Variants in MTOR observed in about 807,000 individuals in gnomAD.
MTOR encodes the protein serine/threonine-protein kinase mTOR.
MTOR carries 70 observed loss-of-function variants against 319.8 expected under a neutral mutation model. The observed-to-expected ratio is 0.22, with a 90% confidence interval of 0.18 to 0.27. The LOEUF is 0.27. Ranked by LOEUF, MTOR falls within the 10% of genes least tolerant of loss-of-function variation. The probability of loss-of-function intolerance (pLI) is 1.00; values close to 1 mark genes in which losing one functional copy is unlikely to be tolerated. For missense variants in MTOR, 1,890 were observed against 3,274.4 expected, an observed-to-expected ratio of 0.58 and a Z score of 10.32; for synonymous variants, 1,183 against 1,211.4, an observed-to-expected ratio of 0.98 and a Z score of 0.49.
intron 8 of MTOR, among the ~76,000 whole-genome samples, chr1:11,244,564 G>A (rs903938826): frequency 3.3e-5 from 5 of 152,106 alleles, no homozygotes; most frequent in Admixed American, 3.3e-4. Flanking sequence ...CCGGGAGGCA[G>A]AGGTTGCAGT....
Position 11,199,625 on chromosome 1 carries a change from G to T in MTOR, c.4023C>A (p.Ile1341=), listed in dbSNP as rs771356229. 6.2e-7 allele frequency: 1 copy of T among 1,614,162 alleles called. No individual in the cohort carries two copies. Among genetic ancestry groups the T allele is most frequent in the African/African-American group, 1.3e-5 (1 of 75,044 alleles). ...EDQQDELIRS[I]ELALTSQDIA... ...TGTCTTGTGAGGTGAGGGCCAACTC[G>T]ATGCTTCTGATGAGCTCATCCTGTT... The change falls in exon 27 of 58, where the codon ATC becomes ATA. Residue 1341 remains isoleucine, a synonymous_variant. Transcript: ENST00000361445. This position sits in a 1 kb window ranked among gnomAD's most constrained non-coding sequence, Gnocchi z 4.5.
At chr1:11,202,733 G>C (rs1646017858) in intron 26 of MTOR, among the ~76,000 whole-genome samples, 1 of 151,962 alleles carries the variant, frequency 6.6e-6, no homozygotes, top group African/African-American at 2.4e-5. Context: ...GGGCAACATA[G>C]TGAGACCTCG....
chr1:11,120,650 C>A (rs1642476059), intron 49 of MTOR, among the ~76,000 whole-genome samples: 1 of 151,996 alleles, frequency 6.6e-6, no homozygotes, highest in Non-Finnish European at 1.5e-5. Flanking sequence ...CTGCACCCAG[C>A]CAAAAACAAC....
At chr1:11,137,746 T>C (rs1329288031) in intron 36 of MTOR, among the ~76,000 whole-genome samples, 1 of 152,234 alleles carries the variant, frequency 6.6e-6, no homozygotes, top group Non-Finnish European at 1.5e-5. Context: ...CTCTGGACTC[T>C]GTGAAGTGTC....
Position 11,126,677 on chromosome 1 carries a change from T to C in MTOR, c.6471A>G (p.Ala2157=). 6.2e-7 allele frequency: 1 copy of C among 1,613,928 alleles called. No homozygotes were observed. ...TGGATGTGATGACTTGCAAAGACGG[T>C]GCTATGGACTGAATGCGAATGATTG... ...NQPIIRIQSI[A]PSLQVITSKQ... The change falls in exon 46 of 58, where the codon GCA becomes GCG. Residue 2157 remains alanine (A), a synonymous_variant. Transcript: ENST00000361445.
intron 25 of MTOR, among the ~76,000 whole-genome samples, chr1:11,207,406 C>A (rs1052599495): frequency 1.1e-5 from 1 of 90,022 alleles, no homozygotes; most frequent in South Asian, 5.6e-4. Context: ...TGGCCCCCTA[C>A]CTCTTTTTTT....
intron 26 of MTOR, 94 bp downstream of exon 26, chr1:11,204,467 T>C (rs1646075362): frequency 1.4e-6 from 2 of 1,437,320 alleles, no homozygotes; most frequent in East Asian, 4.6e-5. Flanking sequence ...AAATTAAAAA[T>C]ACCAGCCCCT....
Position 11,134,669 on chromosome 1 carries a change from C to A in MTOR, c.5131-203G>T, listed in dbSNP as rs538579054. ...TTTTCAAAAAGATTCATGACTTATT[C>A]AACTCAAGTCTTGGCTCTCCTTTGC... On this transcript the variant is annotated intron_variant, in intron 36 of 57. Transcript: ENST00000361445. 4.6e-5 allele frequency among the ~76,000 whole-genome samples: 7 copies of A among 152,336 alleles called. No individual in the cohort carries two copies. The South Asian group carries it at 1.5e-3, about 32-fold the overall frequency.
chr1:11,162,681 A>G, intron 29 of MTOR, among the ~76,000 whole-genome samples: 1 of 152,220 alleles, frequency 6.6e-6, no homozygotes, highest in African/African-American at 2.4e-5. Context: ...ATCCAGCCAA[A>G]CTAAGCTTCA....
At chr1:11,195,355 G>A (rs1645746024) in intron 28 of MTOR, 6 of 229,184 alleles carry the variant, frequency 2.6e-5, no homozygotes, top group East Asian at 1.9e-4. Flanking sequence ...TTTTGAGATC[G>A]TTTTATCTAT....
At chr1:11,244,296 TAAAAAAAA>T (rs35865993) in intron 8 of MTOR, among the ~76,000 whole-genome samples, 1 of 88,952 alleles carries the variant, frequency 1.1e-5, no homozygotes, top group East Asian at 4.3e-4. Context: ...ACATCTCATT[TAAAAAAAA>T]AAAAAAAAAA....
chr1:11,222,414 G>C (rs1262206907), intron 19 of MTOR, among the ~76,000 whole-genome samples: 1 of 152,126 alleles, frequency 6.6e-6, no homozygotes, highest in Non-Finnish European at 1.5e-5. Flanking sequence ...AGCCAGGATG[G>C]TCTTGATCTC....
rs1641767082 is a variant in MTOR at position 11,109,860 on chromosome 1, G to A, written c.7367-131C>T. On this transcript the variant is annotated intron_variant, in intron 54 of 57. Coordinates refer to ENST00000361445, the MANE Select transcript of MTOR (RefSeq NM_004958.4). This position sits in a 1 kb window ranked among gnomAD's most constrained non-coding sequence, Gnocchi z 4.0. The stretch of plus-strand genomic sequence containing the variant: ...CCTACCCTAAAGGGGAAAAGAGAAG[G>A]AAAGTTTTATGTTACTCTTTATGTA... The A allele has an allele frequency of 1.5e-5, 11 of 743,694 alleles. No homozygotes were observed. In the South Asian group the frequency reaches 1.8e-4, roughly 12 times the overall value. The allele number at this position is 743,694 out of a possible 1,614,324, so 46.1% of individuals were successfully genotyped here.
chr1:11,107,335 C>A lies in MTOR; in HGVS notation c.*150G>T. The A allele has an allele frequency of 6.6e-7, 1 of 1,513,246 alleles. No individual in the cohort carries two copies. The highest frequency in any genetic ancestry group is 8.8e-7 in the Non-Finnish European group (1 of 1,134,770). 93.7% of individuals were successfully genotyped at this position (1,513,246 alleles called of 1,614,324 possible). Reference sequence around the variant, plus strand: ...ACAGCAGCTAGAAAGTTGGTTCAAACCAACTTTTAATATACAGTAGTTCTT... The same window carrying A: ...ACAGCAGCTAGAAAGTTGGTTCAAAACAACTTTTAATATACAGTAGTTCTT... On this transcript the variant is annotated 3_prime_UTR_variant, in exon 58 of 58. Transcript: ENST00000361445.
chr1:11,262,385 C>G (rs1651259930), intron 1 of MTOR, 60 bp downstream of exon 1: 1 of 152,452 alleles, frequency 6.6e-6, no homozygotes, highest in African/African-American at 2.4e-5. Context: ...CACGGGCAGG[C>G]TGGCCGTGGG....
chr1:11,139,084 A>G, intron 36 of MTOR: 1 of 551,224 alleles, frequency 1.8e-6, no homozygotes, highest in South Asian at 3.0e-5. Context: ...AACTGTGATC[A>G]CATTCATTGG....
intron 29 of MTOR, among the ~76,000 whole-genome samples, chr1:11,162,618 G>A (rs1644512537): frequency 6.6e-6 from 1 of 152,188 alleles, no homozygotes; most frequent in Non-Finnish European, 1.5e-5. Context: ...GAAGAGAGTG[G>A]GGGCCAATAT....
At chr1:11,250,113 T>C (rs1342428505) in intron 6 of MTOR, among the ~76,000 whole-genome samples, 6 of 123,028 alleles carry the variant, frequency 4.9e-5, no homozygotes, top group South Asian at 3.1e-4. Flanking sequence ...CACTTCCCAG[T>C]AGGGGCGGCC....
intron 18 of MTOR, among the ~76,000 whole-genome samples, chr1:11,230,271 T>C (rs958458377): frequency 1.3e-5 from 2 of 151,832 alleles, no homozygotes; most frequent in African/African-American, 2.4e-5. Flanking sequence ...AATGCAAAAA[T>C]TAGCCAGGTG....
Sources: allele counts gnomAD v4.1 joint callset (sites outside exome capture counted in the v4.1 genomes callset), GRCh38; gene constraint gnomAD v4.1.1; non-coding constraint Gnocchi (gnomAD v3.1); transcripts MANE v1.5; gene names NCBI Gene and HGNC (gene_info 2026-07-23, HGNC 2026-07-21).